SMG1: variants seen among roughly 807,000 people sequenced by gnomAD.
SMG1 encodes serine/threonine-protein kinase SMG1.
A neutral mutation model predicts 419.9 loss-of-function variants in SMG1; 22 were observed. The ratio of observed to expected loss-of-function variants is 0.05; its 90% CI spans 0.04 to 0.07. SMG1 has a LOEUF of 0.07. SMG1 is among the 10% of genes least tolerant of loss of function. The pLI is 1.00. For missense variants in SMG1, 3,185 were observed against 4,342.0 expected (o/e 0.73, Z 7.49); for synonymous variants, 1,538 against 1,553.5 (o/e 0.99, Z 0.23).
intron 1 of SMG1, among the ~76,000 whole-genome samples, chr16:18,909,463 G>A (rs1380269194): frequency 1.3e-5 from 2 of 152,084 alleles, no homozygotes; most frequent in African/African-American, 2.4e-5. Context: ...AGGATCACTC[G>A]AGCCCAGGAG....
Position 18,883,272 on chromosome 16 carries a change from G to A in SMG1, c.1119+798C>T, listed in dbSNP as rs554338504. ...GTGGGGCCAGAAAAGCCAAGTGCCA[G>A]TAACAGAGGCTTCAGCAGCGCTCTT... On this transcript the variant is annotated intron_variant, in intron 9 of 62. Transcript: ENST00000446231. Among the ~76,000 whole-genome samples the A allele has an allele frequency of 4.6e-5, 7 of 152,354 alleles. No homozygotes were observed. The East Asian group carries it at 1.2e-3, about 25-fold the overall frequency.
At position 18,875,491 on chromosome 16, in the gene SMG1, T is replaced by C. The variant is rs191973515; in HGVS notation, c.1890+633A>G. The C allele has an allele frequency of 1.9e-3, 293 of 151,766 alleles. 1 individual carries two copies. The highest frequency in any genetic ancestry group is 0.017 in the Middle Eastern group (5 of 296). The allele number at this position is 151,766 out of a possible 1,614,324, so 9.4% of individuals were successfully genotyped here. On this transcript the variant is annotated intron_variant, in intron 13 of 62. Transcript: ENST00000446231. ...CTGTAATCCGAGCTACCTGGGAGGCTGAAACAGGAGAATCGCTTGTACCCG... is the reference window on the plus strand; with the variant it reads ...CTGTAATCCGAGCTACCTGGGAGGCCGAAACAGGAGAATCGCTTGTACCCG...
intron 51 of SMG1, among the ~76,000 whole-genome samples, chr16:18,831,240 T>A (rs2033152533): frequency 6.6e-6 from 1 of 152,182 alleles, no homozygotes; most frequent in Non-Finnish European, 1.5e-5. Flanking sequence ...CTATTAAGAA[T>A]TTTTAAGAGA....
intron 29 of SMG1, chr16:18,856,879 A>C (rs1231567526): frequency 2.0e-5 from 3 of 152,194 alleles, no homozygotes; most frequent in Non-Finnish European, 2.9e-5. Context: ...AAAAAAAAAA[A>C]AAACAGGACT....
At chr16:18,859,244 A>G (rs2141464639) in intron 27 of SMG1, 63 bp from the exon 28 acceptor site, 1 of 1,306,950 alleles carries the variant, frequency 7.7e-7, no homozygotes, top group East Asian at 2.5e-5. Context: ...CAAAGAATAA[A>G]GCAATTGATA....
At chr16:18,842,509 C>G in intron 39 of SMG1, 55 bp from the exon 40 acceptor site, 1 of 1,549,166 alleles carries the variant, frequency 6.5e-7, no homozygotes, top group Non-Finnish European at 8.8e-7. Context: ...CACTTATTTT[C>G]TTCCACATTC....
rs781352260 is a variant in SMG1 at position 18,816,293 on chromosome 16, T to G, written c.10302+9A>C. 4 of 1,605,832 alleles carry G rather than the reference T, an allele frequency of 2.5e-6. No homozygotes were observed. The highest frequency in any genetic ancestry group is 1.7e-5 in the Admixed American group (1 of 59,780). ...GAGAGTAAATGTGTGTTCATGGTAT[T>G]AGTCTTACCTTAGCCATAGCTTTCA... On this transcript the variant is annotated intron_variant, in intron 58 of 62. Coordinates refer to ENST00000446231, the MANE Select transcript of SMG1 (RefSeq NM_015092.5).
intron 9 of SMG1, among the ~76,000 whole-genome samples, chr16:18,883,115 G>T (rs985596381): frequency 1.3e-5 from 2 of 152,074 alleles, no homozygotes; most frequent in Non-Finnish European, 2.9e-5. Context: ...AATTCCTGTC[G>T]ACTACAAGCA....
chr16:18,830,422 T>A (rs2033089398), intron 51 of SMG1, 53 bp from the exon 52 acceptor site: 3 of 1,582,746 alleles, frequency 1.9e-6, no homozygotes, highest in Non-Finnish European at 2.6e-6. Flanking sequence ...ATGCCTTTGG[T>A]GGGAACATAC....
intron 22 of SMG1, among the ~76,000 whole-genome samples, chr16:18,867,145 T>C (rs2035555328): frequency 6.6e-6 from 1 of 152,196 alleles, no homozygotes; most frequent in Admixed American, 6.5e-5. Context: ...ATTACCTGAA[T>C]TGCTAAACAT....
intron 51 of SMG1, 54 bp downstream of exon 51, chr16:18,832,886 C>A: frequency 1.3e-6 from 2 of 1,481,964 alleles, no homozygotes; most frequent in Non-Finnish European, 1.9e-6. Context: ...GAATCCCTTT[C>A]TCTGGCTGTC....
Position 18,871,553 on chromosome 16 carries a change from C to G in SMG1, c.2184-71G>C, listed in dbSNP as rs536721249. 2.9e-5 allele frequency: 18 copies of G among 626,764 alleles called. No homozygotes were observed. The East Asian group carries it at 5.5e-4, about 19-fold the overall frequency. The allele number at this position is 626,764 out of a possible 1,614,324, so 38.8% of individuals were successfully genotyped here. ...AACCAAAAAACATTAAAAGCCTAGT[C>G]TTCTTACATTGGTCTTCTCTTGGTT... On this transcript the variant is annotated intron_variant, in intron 15 of 62. Coordinates refer to ENST00000446231, the MANE Select transcript of SMG1 (RefSeq NM_015092.5).
At position 18,884,064 on chromosome 16, in the gene SMG1, A is replaced by T. The variant is rs559231565; in HGVS notation, c.1119+6T>A. ...AATTTTAAGAAACAGCTTTCTATAT[A>T]CTCACCTCAGCATATGCTTCCATGT... is the stretch of plus-strand genomic sequence containing the variant. On this transcript the variant is annotated splice_donor_region_variant and intron_variant, in intron 9 of 62. Coordinates refer to ENST00000446231, the MANE Select transcript of SMG1 (RefSeq NM_015092.5). 7.0e-7 allele frequency: 1 copy of T among 1,430,304 alleles called. No homozygotes were observed. Among genetic ancestry groups the T allele is most frequent in the Non-Finnish European group, 9.6e-7 (1 of 1,036,942 alleles). The allele number at this position is 1,430,304 out of a possible 1,614,324, so 88.6% of individuals were successfully genotyped here.
intron 13 of SMG1, chr16:18,875,895 T>C (rs1213254747): frequency 7.3e-6 from 4 of 548,650 alleles, no homozygotes; most frequent in Non-Finnish European, 1.3e-5. Flanking sequence ...ATAAAACTAA[T>C]ATAAAAAAAC....
Position 18,869,090 on chromosome 16 carries a change from C to T in SMG1, c.2833+14G>A, listed in dbSNP as rs375422582. The T allele has an allele frequency of 4.9e-4, 788 of 1,605,254 alleles. 2 individuals carry two copies. The highest frequency in any genetic ancestry group is 6.1e-4 in the Non-Finnish European group (717 of 1,173,776). Reference sequence around the variant, plus strand: ...CTTTGAAAGTATTCACATCACAAAGCTTGAGTGAGTTACCTTCAATTGTCT... The same window carrying T: ...CTTTGAAAGTATTCACATCACAAAGTTTGAGTGAGTTACCTTCAATTGTCT... On this transcript the variant is annotated intron_variant, in intron 20 of 62. Coordinates refer to ENST00000446231, the MANE Select transcript of SMG1 (RefSeq NM_015092.5).
At chr16:18,832,691 T>C (rs932102210) in intron 51 of SMG1, among the ~76,000 whole-genome samples, 1 of 152,054 alleles carries the variant, frequency 6.6e-6, no homozygotes, top group Non-Finnish European at 1.5e-5. Context: ...AGTGTTACTA[T>C]AGATACTAAC....
intron 3 of SMG1, among the ~76,000 whole-genome samples, chr16:18,894,308 G>C (rs1372693476): frequency 6.6e-6 from 1 of 152,050 alleles, no homozygotes; most frequent in Admixed American, 6.6e-5. Context: ...CAATGTCTGA[G>C]AGAAGAATAG....
rs547571238 is a variant in SMG1 at position 18,841,612 on chromosome 16, G to T, written c.6649C>A (p.Leu2217Ile). The T allele has an allele frequency of 6.2e-7, 1 of 1,613,938 alleles. No individual in the cohort carries two copies. The highest frequency in any genetic ancestry group is 1.3e-5 in the African/African-American group (1 of 75,000). The change falls in exon 41 of 63, where the codon CTT becomes ATT. Residue 2217 changes from leucine to isoleucine, a missense_variant. Leu to Ile is a conservative substitution (Grantham distance 5). Around this residue, in one of 27 missense-constraint regions of SMG1, gnomAD observed 132 missense variants for 151.0 expected, o/e 0.87. Transcript: ENST00000446231. ...TCCCGTTGTTGCCATCGTTTGTAAAGACCAAATAAGGGTGTGGCTCCATCT... is the reference window on the plus strand; with the variant it reads ...TCCCGTTGTTGCCATCGTTTGTAAATACCAAATAAGGGTGTGGCTCCATCT... ...WVDGATPLFG[L>I]YKRWQQREAA...
intron 39 of SMG1, among the ~76,000 whole-genome samples, chr16:18,844,570 T>TCACACACACACACACACACACACACACA (rs56381713): frequency 4.1e-4 from 36 of 88,520 alleles, no homozygotes; most frequent in South Asian, 1.0e-3. Context: ...CATCCTTCTC[T>TCACACACACACACACACACACACACACA]CACACACACA....
Sources: gnomAD v4.1 joint callset for allele counts (sites outside exome capture counted in the v4.1 genomes callset) on GRCh38, gnomAD v4.1.1 for gene constraint, gnomAD v4.1.1 regional missense constraint, MANE v1.5 for transcripts, NCBI Gene and HGNC (gene_info 2026-07-23, HGNC 2026-07-21) for gene names.